The following RAPGEF2 variants were observed in gnomAD, a reference collection of about 807,000 sequenced individuals.
RAPGEF2 encodes Rap guanine nucleotide exchange factor 2.
Under a neutral mutation model 186.7 loss-of-function variants are expected in RAPGEF2, and 54 were observed. The ratio of observed to expected loss-of-function variants is 0.29; its 90% CI spans 0.23 to 0.36. The LOEUF is 0.36. RAPGEF2 is among the 10% of genes least tolerant of loss of function. The pLI is 1.00. For synonymous variants in RAPGEF2, 712 were observed against 705.9 expected, an observed-to-expected ratio of 1.01 and a Z score of -0.14; for missense variants, 1,532 against 2,045.0, an observed-to-expected ratio of 0.75 and a Z score of 4.84.
At chr4:159,354,438 T>G (rs952483780) in intron 28 of RAPGEF2, among the ~76,000 whole-genome samples, 1 of 152,224 alleles carries the variant, frequency 6.6e-6, no homozygotes, top group Non-Finnish European at 1.5e-5. Context: ...TTTTGTTCTC[T>G]TGATTGTATT....
At chr4:159,286,820 A>G (rs1351737313) in intron 7 of RAPGEF2, among the ~76,000 whole-genome samples, 1 of 152,152 alleles carries the variant, frequency 6.6e-6, no homozygotes, top group African/African-American at 2.4e-5. Flanking sequence ...TATTATTCTA[A>G]TTCTCTGCCA....
intron 1 of RAPGEF2, among the ~76,000 whole-genome samples, chr4:159,132,518 A>G (rs1360014267): frequency 6.6e-6 from 1 of 152,342 alleles, no homozygotes; most frequent in East Asian, 1.9e-4. Context: ...TTAGGGATAG[A>G]TGAGCACCGT....
At chr4:159,200,336 C>T (rs1749272079) in intron 3 of RAPGEF2, among the ~76,000 whole-genome samples, 1 of 152,040 alleles carries the variant, frequency 6.6e-6, no homozygotes, top group African/African-American at 2.4e-5. Flanking sequence ...TGTGGTGGCG[C>T]ACCTCTGTGG....
rs116273078 is a variant in RAPGEF2 at position 159,192,763 on chromosome 4, T to C, written c.141-437T>C. ...TAGAGCCTTAGAGCCTACTTTTATC[T>C]GAAATTCCATAATGTGGAGTAACAT... On this transcript the variant is annotated intron_variant, in intron 2 of 29. Transcript: ENST00000691494. 9.8e-3 allele frequency among the ~76,000 whole-genome samples: 1,497 copies of C among 152,314 alleles called. 20 individuals carry two copies. Among genetic ancestry groups the C allele is most frequent in the African/African-American group, 0.034 (1,422 of 41,566 alleles).
chr4:159,262,363 T>C (rs1756971865), intron 7 of RAPGEF2, among the ~76,000 whole-genome samples: 1 of 152,220 alleles, frequency 6.6e-6, no homozygotes, highest in Admixed American at 6.5e-5. Context: ...AAAGATAATA[T>C]TCTTTTACAT....
chr4:159,104,176 T>C lies in RAPGEF2; in HGVS notation c.14T>C (p.Val5Ala), dbSNP rs1210462759. MASY[V>A]DNSFRQAVMK... ...CCCAGAGGGGAGATGGCGTCCTACG[T>C]AGATAACAGCTTCCGCCAGGCGGTG... The change falls in exon 1 of 30, where the codon GTA (valine) becomes GCA (alanine). Residue 5 changes from valine to alanine, a missense_variant. Physicochemically the swap from Val to Ala is moderately conservative, Grantham distance 64. This residue lies in a region of RAPGEF2 where 810 missense variants were observed against 1,210.5 expected (regional missense o/e 0.67). Coordinates refer to ENST00000691494, the MANE Select transcript of RAPGEF2 (RefSeq NM_001394067.2). 3 of 1,527,104 alleles carry C rather than the reference T, an allele frequency of 2.0e-6. No individual in the cohort carries two copies. The highest frequency in any genetic ancestry group is 2.6e-6 in the Non-Finnish European group (3 of 1,141,716). 94.6% of individuals were successfully genotyped at this position (1,527,104 alleles called of 1,614,324 possible).
intron 1 of RAPGEF2, among the ~76,000 whole-genome samples, chr4:159,106,444 T>C (rs1737894545): frequency 6.6e-6 from 1 of 152,244 alleles, no homozygotes; most frequent in Admixed American, 6.5e-5. Flanking sequence ...AAGGTACTTT[T>C]TATGTTAAGA....
In RAPGEF2 at chr4:159,105,213, T is replaced by C. The variant is rs116299208; in HGVS notation, c.69+982T>C. Reference sequence around the variant, plus strand: ...TTCCTAAGCGTTGGGATGGTGACTATAGGAGATCCTGCCTGCCAACCCTCT... The same window carrying C: ...TTCCTAAGCGTTGGGATGGTGACTACAGGAGATCCTGCCTGCCAACCCTCT... On this transcript the variant is annotated intron_variant, in intron 1 of 29. Coordinates refer to ENST00000691494, the MANE Select transcript of RAPGEF2 (RefSeq NM_001394067.2). Among the ~76,000 whole-genome samples, 1,288 of 152,340 alleles carry C rather than the reference T, an allele frequency of 8.5e-3. 23 individuals carry two copies. Among genetic ancestry groups the C allele is most frequent in the African/African-American group, 0.029 (1,224 of 41,576 alleles).
chr4:159,245,275 G>C (rs1579585676), intron 7 of RAPGEF2, among the ~76,000 whole-genome samples: 1 of 152,176 alleles, frequency 6.6e-6, no homozygotes, highest in African/African-American at 2.4e-5. Context: ...GGTTTGCAGA[G>C]AGAATAGCAT....
chr4:159,139,703 TGGTTTG>T (rs1742105768), intron 1 of RAPGEF2, among the ~76,000 whole-genome samples: 1 of 152,176 alleles, frequency 6.6e-6, no homozygotes, highest in African/African-American at 2.4e-5. Flanking sequence ...TTGTTAAATG[TGGTTTG>T]TTAAGAGATT....
intron 1 of RAPGEF2, among the ~76,000 whole-genome samples, chr4:159,113,569 C>T (rs1353585617): frequency 6.6e-6 from 1 of 151,836 alleles, no homozygotes; most frequent in African/African-American, 2.4e-5. Flanking sequence ...GGCGAAACCC[C>T]TTCTCTACTA....
At chr4:159,239,064 T>G (rs1030853294) in intron 5 of RAPGEF2, among the ~76,000 whole-genome samples, 180 bp downstream of exon 5, 11 of 152,136 alleles carry the variant, frequency 7.2e-5, no homozygotes, top group Middle Eastern at 3.2e-3. Context: ...TAATCATATT[T>G]TATTATTTAC....
rs180901639 is a variant in RAPGEF2, at chr4:159,178,588, C to T, written c.70-8054C>T. ...TTTTTTTTTTTTTGAGACGGAGTCT[C>T]GCTCTGTCACCCAGGCTTGAGTGCT... is the stretch of plus-strand genomic sequence containing the variant. On this transcript the variant is annotated intron_variant, in intron 1 of 29. Coordinates refer to ENST00000691494, the MANE Select transcript of RAPGEF2 (RefSeq NM_001394067.2). Among the ~76,000 whole-genome samples, 286 of 119,262 alleles carry T rather than the reference C, an allele frequency of 2.4e-3. 2 individuals carry two copies. The highest frequency in any genetic ancestry group is 9.0e-3 in the African/African-American group (264 of 29,416). The allele number at this position is 119,262 out of a possible 152,430, so 78.2% of individuals were successfully genotyped here. A position where few individuals can be genotyped will look rare whatever the true frequency, so the allele number is the denominator to read the frequency against.
chr4:159,261,106 G>T (rs1214589639), intron 7 of RAPGEF2, among the ~76,000 whole-genome samples: 1 of 150,642 alleles, frequency 6.6e-6, no homozygotes, highest in Admixed American at 6.6e-5. Flanking sequence ...TGTCACCCAG[G>T]CTGGAAGTGC....
Position 159,304,329 on chromosome 4 carries a change from G to C in RAPGEF2, c.544-13G>C. On this transcript the variant is annotated splice_polypyrimidine_tract_variant and intron_variant, in intron 7 of 29. Coordinates refer to ENST00000691494, the MANE Select transcript of RAPGEF2 (RefSeq NM_001394067.2). Reference sequence around the variant, plus strand: ...TCAGATTGTAATCCTAGTTTTTCCTGCTCCTTCCATAGCTTCCTGCAGATT... The same window carrying C: ...TCAGATTGTAATCCTAGTTTTTCCTCCTCCTTCCATAGCTTCCTGCAGATT... The C allele has an allele frequency of 6.3e-7, 1 of 1,586,684 alleles. No homozygotes were observed. The highest frequency in any genetic ancestry group is 1.7e-5 in the Admixed American group (1 of 57,774).
At chr4:159,172,437 A>T (rs761427446) in intron 1 of RAPGEF2, among the ~76,000 whole-genome samples, 1 of 152,144 alleles carries the variant, frequency 6.6e-6, no homozygotes, top group Non-Finnish European at 1.5e-5. Context: ...AATTGACTTC[A>T]TAGGATATTC....
intron 1 of RAPGEF2, among the ~76,000 whole-genome samples, chr4:159,120,837 T>C (rs554980004): frequency 1.3e-5 from 2 of 152,188 alleles, no homozygotes; most frequent in South Asian, 4.1e-4. Flanking sequence ...TGTCCATCTT[T>C]TTTTTTTAAT....
intron 8 of RAPGEF2, among the ~76,000 whole-genome samples, chr4:159,313,269 GA>G (rs1291406693): frequency 1.3e-5 from 2 of 152,232 alleles, no homozygotes; most frequent in Non-Finnish European, 2.9e-5. Flanking sequence ...TGTTTAAAAA[GA>G]GACAGATTAG....
At chr4:159,256,669 G>A (rs979290827) in intron 7 of RAPGEF2, among the ~76,000 whole-genome samples, 1 of 152,178 alleles carries the variant, frequency 6.6e-6, no homozygotes, top group Non-Finnish European at 1.5e-5. Context: ...CACCAACAAT[G>A]TAAGTGTTTC....
Sources: gnomAD v4.1 joint callset for allele counts (sites outside exome capture counted in the v4.1 genomes callset) on GRCh38, gnomAD v4.1.1 for gene constraint, gnomAD v4.1.1 regional missense constraint, MANE v1.5 for transcripts, NCBI Gene and HGNC (gene_info 2026-07-23, HGNC 2026-07-21) for gene names.